SPOCK3: variants seen among roughly 807,000 people sequenced by gnomAD.
SPOCK3 encodes SPARC (osteonectin), cwcv and kazal like domains proteoglycan 3.
SPOCK3 carries 30 observed loss-of-function variants against 56.6 expected under a neutral mutation model. The observed-to-expected ratio is 0.53, with a 90% CI of 0.40 to 0.72. The LOEUF (loss-of-function observed/expected upper bound fraction) is 0.72, where lower values mean the gene tolerates loss of function less well. Ranked by LOEUF, SPOCK3 falls within the 30% of genes least tolerant of loss-of-function variation. SPOCK3 has a pLI of 0.00. For missense variants in SPOCK3, 527 were observed against 530.0 expected (o/e 0.99, Z 0.06); for synonymous variants, 196 against 183.3 (o/e 1.07, Z -0.56).
intron 4 of SPOCK3, 44 bp downstream of exon 4, chr4:167,000,305 A>G (rs1193630834): frequency 1.1e-6 from 1 of 934,346 alleles, no homozygotes; most frequent in Non-Finnish European, 1.7e-6. Flanking sequence ...ATTCCTGGTA[A>G]GGAGCGCTGT....
intron 6 of SPOCK3, among the ~76,000 whole-genome samples, chr4:166,883,948 C>A (rs919970018): frequency 8.5e-5 from 13 of 152,062 alleles, no homozygotes; most frequent in African/African-American, 3.1e-4. Context: ...TTCCTGATGA[C>A]CTAGATCACC....
Position 166,754,588 on chromosome 4 carries a change from G to A in SPOCK3, c.851C>T (p.Ala284Val). The A allele has an allele frequency of 5.6e-6, 9 of 1,613,626 alleles. No homozygotes were observed. The highest frequency in any genetic ancestry group is 7.6e-6 in the Non-Finnish European group (9 of 1,179,734). ...YLDKNEQCTK[A>V]FFNSCDTYKD... ...GTATGTGTCACAAGAATTGAAGAAT[G>A]CCTTGGTACACTGTTCATTCTTATC... Residue 284 changes from alanine (A) to valine (V), a missense_variant, in exon 8 of 11, where the codon GCA becomes GTA. Physicochemically the swap from Ala to Val is moderately conservative, Grantham distance 64. Transcript: ENST00000357545.
chr4:166,842,243 T>TA (rs1747503902), intron 6 of SPOCK3, among the ~76,000 whole-genome samples: 1 of 152,216 alleles, frequency 6.6e-6, no homozygotes, highest in Non-Finnish European at 1.5e-5. Flanking sequence ...TTCAGCACGT[T>TA]GCTTTTGCTG....
chr4:166,862,497 AC>A (rs1731339435), intron 6 of SPOCK3, among the ~76,000 whole-genome samples: 2 of 152,070 alleles, frequency 1.3e-5, no homozygotes, highest in African/African-American at 4.8e-5. Flanking sequence ...ATTGCTACTA[AC>A]TTTTTTATCT....
intron 5 of SPOCK3, among the ~76,000 whole-genome samples, chr4:166,908,224 A>T (rs1736839408): frequency 6.6e-6 from 1 of 150,950 alleles, no homozygotes; most frequent in Non-Finnish European, 1.5e-5. Flanking sequence ...AAGTTTTTGA[A>T]TTGTAATAAA....
At position 167,160,132 on chromosome 4, in the gene SPOCK3, T is replaced by C. The variant is rs552312167; in HGVS notation, c.189+73853A>G. ...GTTTGCAGATGACATGATTGTATATTTAGAAAACCCCATTGTCTCAGCCCA... is the reference window on the plus strand; with the variant it reads ...GTTTGCAGATGACATGATTGTATATCTAGAAAACCCCATTGTCTCAGCCCA... On this transcript the variant is annotated intron_variant, in intron 2 of 10. Transcript: ENST00000357545. 3.3e-4 allele frequency among the ~76,000 whole-genome samples: 50 copies of C among 152,038 alleles called. No individual in the cohort carries two copies. In the East Asian group the frequency reaches 8.7e-3, roughly 26 times the overall value.
chr4:167,057,529 A>G (rs1755041186), intron 3 of SPOCK3, among the ~76,000 whole-genome samples: 1 of 152,088 alleles, frequency 6.6e-6, no homozygotes, highest in African/African-American at 2.4e-5. Context: ...AGTGTGCTGT[A>G]TTCAGGAAAC....
chr4:167,023,109 C>A (rs751840524), intron 3 of SPOCK3, among the ~76,000 whole-genome samples: 5 of 151,778 alleles, frequency 3.3e-5, no homozygotes, highest in Non-Finnish European at 5.9e-5. Flanking sequence ...TTAGTCAATG[C>A]GAGCTAATGG....
intron 6 of SPOCK3, among the ~76,000 whole-genome samples, chr4:166,868,752 C>A (rs759790117): frequency 6.6e-6 from 1 of 151,934 alleles, no homozygotes; most frequent in Admixed American, 6.6e-5. Context: ...CTTAATCCCG[C>A]GAAAATAAAA....
chr4:167,104,844 GAA>G (rs533487671), intron 2 of SPOCK3, among the ~76,000 whole-genome samples: 1 of 126,530 alleles, frequency 7.9e-6, no homozygotes, highest in African/African-American at 2.9e-5. Context: ...CAAGCAAAAA[GAA>G]AAAAAAAAAA....
At chr4:167,068,663 CCTT>C (rs1377127811) in intron 2 of SPOCK3, among the ~76,000 whole-genome samples, 1 of 151,724 alleles carries the variant, frequency 6.6e-6, no homozygotes, top group Non-Finnish European at 1.5e-5. Flanking sequence ...TAAATTATGA[CCTT>C]ATTAATCTTC....
rs1760627343 is a variant in SPOCK3 at position 167,109,361 on chromosome 4, TTTATATATATATTTATATAAAATATATAA to T, written c.190-46853_190-46825del. 1.5e-4 allele frequency among the ~76,000 whole-genome samples: 6 copies of T among 38,924 alleles called. No homozygotes were observed. The South Asian group carries it at 5.0e-3, about 32-fold the overall frequency. 25.5% of individuals were successfully genotyped at this position (38,924 alleles called of 152,430 possible). On this transcript the variant is annotated intron_variant, in intron 2 of 10. Coordinates refer to ENST00000357545, the MANE Select transcript of SPOCK3 (RefSeq NM_001040159.2). ...TATTATATAATAAAATAAATATATA[TTTATATATATATTTATATAAAATATATAA>T]ATATATATTTATATATAAATATATA...
At chr4:166,913,735 T>A (rs1273914745) in intron 4 of SPOCK3, among the ~76,000 whole-genome samples, 1 of 152,144 alleles carries the variant, frequency 6.6e-6, no homozygotes, top group Non-Finnish European at 1.5e-5. Flanking sequence ...GTGTTTCAAA[T>A]TTTGCCAGAG....
intron 2 of SPOCK3, among the ~76,000 whole-genome samples, chr4:167,102,931 A>T (rs1201913628): frequency 1.4e-5 from 2 of 148,138 alleles, no homozygotes; most frequent in African/African-American, 5.2e-5. Context: ...AGAAAAAAAA[A>T]AAAAAAAAAA....
chr4:166,828,297 C>T (rs935883064), intron 6 of SPOCK3, among the ~76,000 whole-genome samples: 1 of 151,958 alleles, frequency 6.6e-6, no homozygotes, highest in African/African-American at 2.4e-5. Context: ...TCTACAATTT[C>T]ATACTTAAAT....
At chr4:166,904,076 AT>A (rs1736352692) in intron 5 of SPOCK3, among the ~76,000 whole-genome samples, 3 of 151,940 alleles carry the variant, frequency 2.0e-5, no homozygotes, top group African/African-American at 7.2e-5. Context: ...TTAATTACAT[AT>A]TATGCAAAAT....
intron 8 of SPOCK3, among the ~76,000 whole-genome samples, chr4:166,744,768 T>A (rs1735350691): frequency 6.6e-6 from 1 of 152,026 alleles, no homozygotes; most frequent in Non-Finnish European, 1.5e-5. Flanking sequence ...CTAACAGGAA[T>A]AAACAGCATA....
chr4:167,144,740 T>C lies in SPOCK3; in HGVS notation c.190-82203A>G, dbSNP rs1763800582. ...ATATCTAGGAAAAAAAAAAAAACCT[T>C]AGGGAAAAGGAAACACAAGTGCAAT... On this transcript the variant is annotated intron_variant, in intron 2 of 10. Coordinates refer to ENST00000357545, the MANE Select transcript of SPOCK3 (RefSeq NM_001040159.2). 2.1e-5 allele frequency among the ~76,000 whole-genome samples: 3 copies of C among 142,550 alleles called. No individual in the cohort carries two copies. In the Middle Eastern group the frequency reaches 0.011, roughly 513 times the overall value. The allele number at this position is 142,550 out of a possible 152,430, so 93.5% of individuals were successfully genotyped here.
chr4:166,931,400 A>G (rs1428954933), intron 4 of SPOCK3, among the ~76,000 whole-genome samples: 5 of 152,186 alleles, frequency 3.3e-5, no homozygotes. Context: ...CTTTAAAACA[A>G]TCCACTGGTG....
Sources: allele counts gnomAD v4.1 joint callset (sites outside exome capture counted in the v4.1 genomes callset), GRCh38; gene constraint gnomAD v4.1.1; transcripts MANE v1.5; gene names NCBI Gene and HGNC (gene_info 2026-07-23, HGNC 2026-07-21).